KCNA2: variants seen among roughly 807,000 people sequenced by gnomAD.
The protein encoded by KCNA2 is potassium channel, voltage gated shaker related subfamily A, member 2.
In KCNA2, 11 loss-of-function variants were observed where a neutral mutation model predicts 33.4. The ratio of observed to expected loss-of-function variants is 0.33; its 90% CI spans 0.21 to 0.55. The LOEUF is 0.55. Among genes scored for constraint, KCNA2 ranks in the 20% least tolerant of loss-of-function variants. KCNA2 has a pLI of 0.93. For synonymous variants in KCNA2, 222 were observed against 231.3 expected, an observed-to-expected ratio of 0.96 and a Z score of 0.37; for missense variants, 291 against 621.6, an observed-to-expected ratio of 0.47 and a Z score of 5.66.
intron 1 of KCNA2, among the ~76,000 whole-genome samples, chr1:110,619,868 T>G (rs532885039): frequency 4.8e-4 from 73 of 152,186 alleles, no homozygotes; most frequent in Non-Finnish European, 7.8e-4. Flanking sequence ...TGTGGTTAAG[T>G]AACATACACT....
intron 1 of KCNA2, among the ~76,000 whole-genome samples, chr1:110,619,055 G>A (rs3860225): frequency 0.17 from 26,160 of 152,062 alleles, 2,413 homozygotes; most frequent in East Asian, 0.29. Context: ...AAGTCCTATG[G>A]CCCAGAAGGC....
chr1:110,620,053 C>CGAGAGCGAGAGAGA (rs1433707646), intron 1 of KCNA2, among the ~76,000 whole-genome samples: 6 of 126,832 alleles, frequency 4.7e-5, no homozygotes, highest in Admixed American at 1.6e-4. Flanking sequence ...AGAGCGAGAG[C>CGAGAGCGAGAGAGA]GAGAGAGAGA....
chr1:110,620,005 T>A (rs144141265), intron 1 of KCNA2, among the ~76,000 whole-genome samples: 352 of 143,506 alleles, frequency 2.5e-3, no homozygotes, highest in African/African-American at 8.8e-3. Context: ...TGAACTGCGA[T>A]TGTGTGAGCT....
rs1339022951 is a variant in KCNA2, at chr1:110,601,538, C to T, written c.*1745G>A. On this transcript the variant is annotated 3_prime_UTR_variant, in exon 3 of 3. Transcript: ENST00000316361. Reference sequence around the variant, plus strand: ...AGGACAGCTGGAACTGTGAGGGCCACAGGGCCCTTGTGCACTCAGTAAGAC... The same window carrying T: ...AGGACAGCTGGAACTGTGAGGGCCATAGGGCCCTTGTGCACTCAGTAAGAC... The T allele has an allele frequency of 6.1e-6, 6 of 986,562 alleles. No homozygotes were observed. The East Asian group carries it at 5.6e-4, about 93-fold the overall frequency. 61.1% of individuals were successfully genotyped at this position (986,562 alleles called of 1,614,324 possible). A position where few individuals can be genotyped will look rare whatever the true frequency, so the allele number is the denominator to read the frequency against.
At position 110,601,794 on chromosome 1, in the gene KCNA2, A is replaced by ATGTG. The variant is rs35728918; in HGVS notation, c.*1485_*1488dup. 3,109 of 838,442 alleles carry ATGTG rather than the reference A, an allele frequency of 3.7e-3. 9 individuals are homozygous for ATGTG. The highest frequency in any genetic ancestry group is 0.02 in the African/African-American group (966 of 48,894). The allele number at this position is 838,442 out of a possible 1,614,324, so 51.9% of individuals were successfully genotyped here. On this transcript the variant is annotated 3_prime_UTR_variant, in exon 3 of 3. Transcript: ENST00000316361. ...AGAAAATGAATATATATATATATAT[A>ATGTG]TGTGTGTGTGTGTGTGTGTGTGTGT...
intron 1 of KCNA2, among the ~76,000 whole-genome samples, chr1:110,616,465 G>T (rs375852261): frequency 6.6e-6 from 1 of 152,214 alleles, no homozygotes; most frequent in East Asian, 1.9e-4. Context: ...AAGTCCAGGA[G>T]CTTTCAGGAA....
chr1:110,620,209 TCTC>T (rs1356729390), intron 1 of KCNA2, among the ~76,000 whole-genome samples: 2 of 152,070 alleles, frequency 1.3e-5, no homozygotes, highest in African/African-American at 4.8e-5. Flanking sequence ...GACCCTCTCT[TCTC>T]CTTTCCCTCT....
chr1:110,611,550 G>A (rs1032285527), intron 1 of KCNA2, among the ~76,000 whole-genome samples: 1 of 152,108 alleles, frequency 6.6e-6, no homozygotes, highest in African/African-American at 2.4e-5. Flanking sequence ...GCAACATAAG[G>A]CTCCACCTCT....
In KCNA2 at chr1:110,600,401, T is replaced by C; in HGVS notation, c.*2882A>G. ...TATTTTGCATCTGAGTTTCAGGTTGTATATTTGTATGTGGTGTATGTTTGT... is the reference window on the plus strand; with the variant it reads ...TATTTTGCATCTGAGTTTCAGGTTGCATATTTGTATGTGGTGTATGTTTGT... On this transcript the variant is annotated 3_prime_UTR_variant, in exon 3 of 3. Coordinates refer to ENST00000316361, the MANE Select transcript of KCNA2 (RefSeq NM_004974.4). 1.0e-6 allele frequency: 1 copy of C among 985,076 alleles called. No individual in the cohort carries two copies. The highest frequency in any genetic ancestry group is 1.2e-6 in the Non-Finnish European group (1 of 829,842). 61.0% of individuals were successfully genotyped at this position (985,076 alleles called of 1,614,324 possible). A position where few individuals can be genotyped will look rare whatever the true frequency, so the allele number is the denominator to read the frequency against.
At position 110,594,902 on chromosome 1, in the gene KCNA2, C is replaced by A. The variant is rs1649031531; in HGVS notation, c.*8381G>T. The A allele has an allele frequency of 1.0e-6, 1 of 985,382 alleles. No individual in the cohort carries two copies. Among genetic ancestry groups the A allele is most frequent in the South Asian group, 4.7e-5 (1 of 21,290 alleles). 61.0% of individuals were successfully genotyped at this position (985,382 alleles called of 1,614,324 possible). A position where few individuals can be genotyped will look rare whatever the true frequency, so the allele number is the denominator to read the frequency against. On this transcript the variant is annotated 3_prime_UTR_variant, in exon 3 of 3. Coordinates refer to ENST00000316361, the MANE Select transcript of KCNA2 (RefSeq NM_004974.4). ...TAGGCTAAAAAGGCAGTAATGTTAG[C>A]AGCTGACATGGAAATTGTTTGGTAG...
At position 110,601,727 on chromosome 1, in the gene KCNA2, C is replaced by T; in HGVS notation, c.*1556G>A. 8.6e-7 allele frequency: 1 copy of T among 1,164,410 alleles called. No homozygotes were observed. The highest frequency in any genetic ancestry group is 1.1e-6 in the Non-Finnish European group (1 of 948,102). 72.1% of individuals were successfully genotyped at this position (1,164,410 alleles called of 1,614,324 possible). On this transcript the variant is annotated 3_prime_UTR_variant, in exon 3 of 3. Coordinates refer to ENST00000316361, the MANE Select transcript of KCNA2 (RefSeq NM_004974.4). ...TTAACCCATTAGGCCTCTTAGACAG[C>T]CAACCCACCAAGCAGTGGATTTGCT... is the stretch of plus-strand genomic sequence containing the variant.
chr1:110,598,113 T>C lies in KCNA2; in HGVS notation c.*5170A>G. ...GATGATGTTAATGAGGTTAAGGTCA[T>C]GAGTTCAAACCCGGCAATGGATACC... On this transcript the variant is annotated 3_prime_UTR_variant, in exon 3 of 3. Transcript: ENST00000316361. The C allele has an allele frequency of 3.1e-6, 3 of 974,050 alleles. No individual in the cohort carries two copies. Among genetic ancestry groups the C allele is most frequent in the Non-Finnish European group, 3.7e-6 (3 of 819,602 alleles). 60.3% of individuals were successfully genotyped at this position (974,050 alleles called of 1,614,324 possible).
At chr1:110,612,822 T>C (rs1032598562) in intron 1 of KCNA2, among the ~76,000 whole-genome samples, 1 of 152,212 alleles carries the variant, frequency 6.6e-6, no homozygotes, top group Non-Finnish European at 1.5e-5. Flanking sequence ...AAGTCCACAC[T>C]GGCATCACAT....
chr1:110,607,201 C>A (rs1460734682), upstream of KCNA2: 1 of 152,212 alleles, frequency 6.6e-6, no homozygotes, highest in African/African-American at 2.4e-5. Context: ...GGCGCCGCAG[C>A]CGGGCAGGGA....
chr1:110,607,908 A>G (rs1048717349), upstream of KCNA2: 2 of 152,204 alleles, frequency 1.3e-5, no homozygotes, highest in Non-Finnish European at 2.9e-5. Flanking sequence ...TCGCAGGGAA[A>G]TGCAGCAGGT....
chr1:110,609,489 A>G (rs1649798165), upstream of KCNA2, among the ~76,000 whole-genome samples: 1 of 152,192 alleles, frequency 6.6e-6, no homozygotes, highest in Non-Finnish European at 1.5e-5. Flanking sequence ...AGGTTAATAA[A>G]TGGTGACTCT....
At chr1:110,631,032 G>A (rs1212086032) in intron 1 of KCNA2, among the ~76,000 whole-genome samples, 1 of 152,164 alleles carries the variant, frequency 6.6e-6, no homozygotes, top group Non-Finnish European at 1.5e-5. Context: ...GGCTGTTTGG[G>A]AGTTACACTT....
rs770132203 is a variant in KCNA2, at chr1:110,593,845, G to A, written c.*9438C>T. 253 of 1,548,854 alleles carry A rather than the reference G, an allele frequency of 1.6e-4. No homozygotes were observed. The highest frequency in any genetic ancestry group is 2.0e-4 in the Non-Finnish European group (228 of 1,146,274). On this transcript the variant is annotated 3_prime_UTR_variant, in exon 3 of 3. Coordinates refer to ENST00000316361, the MANE Select transcript of KCNA2 (RefSeq NM_004974.4). ...CTGCAGAAGTCCTGGGTGGGGCAGT[G>A]TTGGTGGGGCTGAAAGCTTCCAGAA...
intron 1 of KCNA2, among the ~76,000 whole-genome samples, chr1:110,611,528 A>G (rs1342433016): frequency 6.6e-6 from 1 of 152,206 alleles, no homozygotes; most frequent in Non-Finnish European, 1.5e-5. Context: ...CAGGAATTCA[A>G]TATCAGCCTA....
Sources: gnomAD v4.1 joint callset for allele counts (sites outside exome capture counted in the v4.1 genomes callset) on GRCh38, gnomAD v4.1.1 for gene constraint, MANE v1.5 for transcripts, NCBI Gene and HGNC (gene_info 2026-07-23, HGNC 2026-07-21) for gene names.